CALCRL: variants seen among roughly 807,000 people sequenced by gnomAD.
The protein encoded by CALCRL is calcitonin receptor like receptor.
In CALCRL, 27 loss-of-function variants were observed where a neutral mutation model predicts 60.4. The ratio of observed to expected loss-of-function variants is 0.45; its 90% CI spans 0.33 to 0.62. The LOEUF is 0.62. Ranked by LOEUF, CALCRL falls within the 20% of genes least tolerant of loss-of-function variation. CALCRL has a pLI of 0.03. For missense variants in CALCRL, 424 were observed against 540.7 expected (o/e 0.78, Z 2.14); for synonymous variants, 190 against 182.6 (o/e 1.04, Z -0.33).
At chr2:187,392,915 C>G (rs1286189531) in intron 1 of CALCRL, among the ~76,000 whole-genome samples, 1 of 152,000 alleles carries the variant, frequency 6.6e-6, no homozygotes, top group African/African-American at 2.4e-5. Context: ...TTTTAGTGCC[C>G]ACTTCAACCT....
At chr2:187,396,920 A>C (rs570688066) in intron 1 of CALCRL, among the ~76,000 whole-genome samples, 2 of 151,838 alleles carry the variant, frequency 1.3e-5, no homozygotes, top group East Asian at 1.9e-4. Flanking sequence ...ATGATGTCTA[A>C]TACCAGTTAC....
At position 187,385,525 on chromosome 2, in the gene CALCRL, A is replaced by G. The variant is rs1688169505; in HGVS notation, c.51+20T>C. ...ACTGGAAGCAATAACAGACATAATC[A>G]TATATATTTTTATGCTTACCATAAA... On this transcript the variant is annotated intron_variant, in intron 4 of 14. Transcript: ENST00000392370. 8.6e-7 allele frequency: 1 copy of G among 1,163,254 alleles called. No individual in the cohort carries two copies. Among genetic ancestry groups the G allele is most frequent in the Non-Finnish European group, 1.3e-6 (1 of 787,972 alleles). 72.1% of individuals were successfully genotyped at this position (1,163,254 alleles called of 1,614,324 possible). A position where few individuals can be genotyped will look rare whatever the true frequency, so the allele number is the denominator to read the frequency against.
At chr2:187,397,369 G>A (rs1184979417) in intron 1 of CALCRL, among the ~76,000 whole-genome samples, 1 of 151,238 alleles carries the variant, frequency 6.6e-6, no homozygotes, top group Non-Finnish European at 1.5e-5. Flanking sequence ...TCCCAGATAG[G>A]ATATCAATCT....
intron 1 of CALCRL, among the ~76,000 whole-genome samples, chr2:187,435,865 C>CGTGTGTGTGTGTGTGT (rs5837037): frequency 6.7e-6 from 1 of 148,312 alleles, no homozygotes; most frequent in African/African-American, 2.5e-5. Context: ...TGTGTTTGTG[C>CGTGTGTGTGTGTGTGT]GTGCGTGTGT....
At chr2:187,391,250 T>C (rs182200956) in intron 1 of CALCRL, among the ~76,000 whole-genome samples, 2 of 152,212 alleles carry the variant, frequency 1.3e-5, no homozygotes, top group Non-Finnish European at 2.9e-5. Flanking sequence ...TTTAGCTTTT[T>C]CTAAATATAT....
chr2:187,425,316 G>A (rs1339788658), intron 1 of CALCRL, among the ~76,000 whole-genome samples: 3 of 151,906 alleles, frequency 2.0e-5, no homozygotes, highest in Non-Finnish European at 4.4e-5. Flanking sequence ...TAATAGTCAT[G>A]TCACAAATAT....
rs146889050 is a variant in CALCRL, at chr2:187,371,883, G to A, written c.500+7057C>T. On this transcript the variant is annotated intron_variant, in intron 8 of 14. Transcript: ENST00000392370. ...CAATATTGGTTAAATATATTCAGAT[G>A]TGATCTAAGAAAAAATGAGAATTTT... Among the ~76,000 whole-genome samples, 846 of 151,510 alleles carry A rather than the reference G, an allele frequency of 5.6e-3. 3 individuals carry two copies. The highest frequency in any genetic ancestry group is 9.1e-3 in the Non-Finnish European group (618 of 68,004).
chr2:187,391,282 G>A (rs1688434376), intron 1 of CALCRL, among the ~76,000 whole-genome samples: 1 of 152,122 alleles, frequency 6.6e-6, no homozygotes, highest in South Asian at 2.1e-4. Flanking sequence ...TACAATTGAT[G>A]CTAGTTAACC....
chr2:187,442,072 A>T (rs1327057728), intron 1 of CALCRL: 1 of 13,248 alleles, frequency 7.5e-5, no homozygotes, highest in Non-Finnish European at 1.4e-4. Context: ...TAAAAACATT[A>T]TATATATATA....
chr2:187,388,977 TAG>T (rs1688319182), intron 1 of CALCRL, among the ~76,000 whole-genome samples: 1 of 151,990 alleles, frequency 6.6e-6, no homozygotes. Flanking sequence ...GATTGATTAA[TAG>T]AGATTTAAGG....
intron 8 of CALCRL, among the ~76,000 whole-genome samples, chr2:187,377,590 A>G (rs1014977955): frequency 6.6e-6 from 1 of 152,150 alleles, no homozygotes; most frequent in Non-Finnish European, 1.5e-5. Flanking sequence ...AGACCCTTTG[A>G]CCAAGAAATC....
chr2:187,411,120 C>T (rs1352513875), intron 1 of CALCRL, among the ~76,000 whole-genome samples: 1 of 151,702 alleles, frequency 6.6e-6, no homozygotes, highest in Admixed American at 6.6e-5. Context: ...TAAATGGTAC[C>T]CTTTTTACTT....
At chr2:187,445,340 T>C (rs1285652929) in intron 1 of CALCRL, among the ~76,000 whole-genome samples, 6 of 151,632 alleles carry the variant, frequency 4.0e-5, no homozygotes, top group Non-Finnish European at 8.9e-5. Context: ...ATATTTGTAT[T>C]GTGAAAAGTC....
rs1686147914 is a variant in CALCRL, at chr2:187,343,036, CT to C, written c.*3147del. 1 of 151,318 alleles carries C rather than the reference CT, an allele frequency of 6.6e-6. No homozygotes were observed. The highest frequency in any genetic ancestry group is 1.5e-5 in the Non-Finnish European group (1 of 67,536). 9.4% of individuals were successfully genotyped at this position (151,318 alleles called of 1,614,324 possible). The stretch of plus-strand genomic sequence containing the variant: ...GAACATTTTCTTATTTTGAGACATC[CT>C]TTTTCTTCTTTCAGCATAAGAAGGA... On this transcript the variant is annotated 3_prime_UTR_variant, in exon 15 of 15. Coordinates refer to ENST00000392370, the MANE Select transcript of CALCRL (RefSeq NM_005795.6).
chr2:187,366,918 C>CACACACACA (rs1553506257), intron 8 of CALCRL, among the ~76,000 whole-genome samples: 7 of 84,500 alleles, frequency 8.3e-5, no homozygotes, highest in African/African-American at 2.7e-4. Context: ...GTGAGTATAA[C>CACACACACA]CCCACACACA....
At chr2:187,355,913 G>A (rs1199393566) in intron 12 of CALCRL, among the ~76,000 whole-genome samples, 1 of 152,020 alleles carries the variant, frequency 6.6e-6, no homozygotes, top group African/African-American at 2.4e-5. Flanking sequence ...GCTACAAAGA[G>A]AATAAAATAT....
At chr2:187,349,476 G>T (rs1686429865) in intron 14 of CALCRL, among the ~76,000 whole-genome samples, 1 of 151,612 alleles carries the variant, frequency 6.6e-6, no homozygotes, top group Non-Finnish European at 1.5e-5. Flanking sequence ...TTTGGCAGTT[G>T]TTTCTTCATG....
intron 1 of CALCRL, among the ~76,000 whole-genome samples, chr2:187,410,328 A>C (rs940678958): frequency 1.3e-5 from 2 of 152,132 alleles, no homozygotes; most frequent in African/African-American, 4.8e-5. Flanking sequence ...TTTTTTACCA[A>C]ATTGGAGGAA....
chr2:187,376,627 T>C (rs1348767536), intron 8 of CALCRL, among the ~76,000 whole-genome samples: 1 of 152,170 alleles, frequency 6.6e-6, no homozygotes, highest in Non-Finnish European at 1.5e-5. Context: ...TCTTAGACTC[T>C]TTCACATGAA....
Sources: gnomAD v4.1 joint callset for allele counts (sites outside exome capture counted in the v4.1 genomes callset) on GRCh38, gnomAD v4.1.1 for gene constraint, MANE v1.5 for transcripts, NCBI Gene and HGNC (gene_info 2026-07-23, HGNC 2026-07-21) for gene names.